TOX: variants seen among roughly 807,000 people sequenced by gnomAD.
TOX encodes thymocyte selection associated high mobility group box.
Under a neutral mutation model 53.7 loss-of-function variants are expected in TOX, and 11 were observed. That is an observed-to-expected ratio of 0.20 (90% CI 0.13 to 0.34). The LOEUF is 0.34. Ranked by LOEUF, TOX falls within the 10% of genes least tolerant of loss-of-function variation. TOX has a pLI of 1.00. For missense variants in TOX, 570 were observed against 664.6 expected (o/e 0.86, Z 1.56); for synonymous variants, 225 against 245.3 (o/e 0.92, Z 0.77).
intron 3 of TOX, among the ~76,000 whole-genome samples, chr8:58,888,162 C>T (rs1205698231): frequency 2.0e-5 from 3 of 152,012 alleles, no homozygotes; most frequent in Non-Finnish European, 4.4e-5. Flanking sequence ...ATCATATATG[C>T]GGTCCACTGT....
intron 1 of TOX, among the ~76,000 whole-genome samples, chr8:59,092,756 A>G (rs1199744493): frequency 6.6e-6 from 1 of 152,008 alleles, no homozygotes; most frequent in East Asian, 1.9e-4. Context: ...AGGCCAGGTT[A>G]CAGCCTCTTT....
At chr8:59,114,452 A>G (rs775306644) in intron 1 of TOX, among the ~76,000 whole-genome samples, 9 of 152,184 alleles carry the variant, frequency 5.9e-5, no homozygotes, top group Non-Finnish European at 1.2e-4. Flanking sequence ...CCAAAAAACC[A>G]TGATTGCTTG....
At chr8:59,097,095 G>C (rs1158974209) in intron 1 of TOX, among the ~76,000 whole-genome samples, 10 of 152,250 alleles carry the variant, frequency 6.6e-5, no homozygotes, top group Non-Finnish European at 1.5e-4. Context: ...CCCGATGTGG[G>C]GGAACACGTG....
intron 1 of TOX, among the ~76,000 whole-genome samples, chr8:59,043,567 G>A (rs78928926): frequency 2.7e-3 from 417 of 152,190 alleles, no homozygotes; most frequent in Non-Finnish European, 4.4e-3. Flanking sequence ...CTCTATAGAC[G>A]GTTATAGAAA....
At chr8:59,055,240 A>G (rs1338694698) in intron 1 of TOX, among the ~76,000 whole-genome samples, 1 of 152,182 alleles carries the variant, frequency 6.6e-6, no homozygotes, top group Non-Finnish European at 1.5e-5. Flanking sequence ...GGGGACAAGC[A>G]CTGTTGTAAA....
intron 3 of TOX, among the ~76,000 whole-genome samples, chr8:58,898,241 T>C (rs531052676): frequency 1.9e-4 from 24 of 129,480 alleles, no homozygotes; most frequent in Non-Finnish European, 3.3e-4. Context: ...AAACTCATTG[T>C]TAATCAAATC....
intron 3 of TOX, among the ~76,000 whole-genome samples, chr8:58,869,001 A>G (rs578124087): frequency 1.3e-5 from 2 of 152,164 alleles, no homozygotes; most frequent in African/African-American, 4.8e-5. Flanking sequence ...AGCCATTAAT[A>G]CTGATCTCAA....
chr8:59,102,898 C>A (rs928680568), intron 1 of TOX, among the ~76,000 whole-genome samples: 1 of 152,174 alleles, frequency 6.6e-6, no homozygotes, highest in Admixed American at 6.5e-5. Context: ...ACTTCACCCC[C>A]AAACTATCAT....
intron 1 of TOX, among the ~76,000 whole-genome samples, chr8:58,988,061 A>G (rs13276445): frequency 0.31 from 47,652 of 152,084 alleles, 8,504 homozygotes; most frequent in African/African-American, 0.48. Flanking sequence ...AACAGCAGGT[A>G]AATGCAAACT....
chr8:58,873,595 G>T (rs965117554), intron 3 of TOX, among the ~76,000 whole-genome samples: 2 of 152,056 alleles, frequency 1.3e-5, no homozygotes, highest in Non-Finnish European at 1.5e-5. Context: ...AATATTAATT[G>T]TAAGTAGAAA....
chr8:58,936,888 T>C (rs1347907504), intron 3 of TOX, among the ~76,000 whole-genome samples: 2 of 152,132 alleles, frequency 1.3e-5, no homozygotes, highest in African/African-American at 4.8e-5. Context: ...GCTACTTAAC[T>C]GTAAAGTAAT....
At chr8:59,004,124 T>G (rs1417233142) in intron 1 of TOX, among the ~76,000 whole-genome samples, 1 of 152,216 alleles carries the variant, frequency 6.6e-6, no homozygotes, top group Non-Finnish European at 1.5e-5. Flanking sequence ...CTCTTACAAA[T>G]GCACTATACA....
At chr8:58,840,519 T>C (rs1810625662) in intron 4 of TOX, among the ~76,000 whole-genome samples, 1 of 152,162 alleles carries the variant, frequency 6.6e-6, no homozygotes, top group African/African-American at 2.4e-5. Context: ...AGTCACCTGG[T>C]CAGCTTTTAA....
intron 4 of TOX, among the ~76,000 whole-genome samples, chr8:58,846,325 G>C (rs891316670): frequency 6.6e-6 from 1 of 152,156 alleles, no homozygotes; most frequent in Middle Eastern, 3.4e-3. Flanking sequence ...AAAGTGAACA[G>C]TTACAATATA....
chr8:58,965,894 GTT>G lies in TOX; in HGVS notation c.103-5888_103-5887del, dbSNP rs67045037. Among the ~76,000 whole-genome samples, 419 of 49,432 alleles carry G rather than the reference GTT, an allele frequency of 8.5e-3. 2 individuals are homozygous for G. The highest frequency in any genetic ancestry group is 0.025 in the African/African-American group (324 of 12,882). The allele number at this position is 49,432 out of a possible 152,430, so 32.4% of individuals were successfully genotyped here. On this transcript the variant is annotated intron_variant, in intron 1 of 8. Transcript: ENST00000361421. The stretch of plus-strand genomic sequence containing the variant: ...GCCCAGTATAAGATTACGAGTCATC[GTT>G]TTTTTTTTTTTTTTTTTTTTTTTTT...
At chr8:58,854,370 T>C (rs1165882846) in intron 3 of TOX, among the ~76,000 whole-genome samples, 2 of 152,182 alleles carry the variant, frequency 1.3e-5, no homozygotes, top group African/African-American at 4.8e-5. Context: ...GATTTATGAC[T>C]ACAACTAAAA....
chr8:59,110,529 A>C (rs1804996197), intron 1 of TOX, among the ~76,000 whole-genome samples: 1 of 152,296 alleles, frequency 6.6e-6, no homozygotes, highest in East Asian at 1.9e-4. Flanking sequence ...CTTGCACATT[A>C]TATTTCACAT....
chr8:59,070,634 GGA>G (rs774349697), intron 1 of TOX, among the ~76,000 whole-genome samples: 5 of 151,484 alleles, frequency 3.3e-5, no homozygotes, highest in African/African-American at 7.3e-5. Flanking sequence ...TTGGTTAGAA[GGA>G]GAGAGAGAGA....
At chr8:58,867,294 A>T (rs1811119141) in intron 3 of TOX, among the ~76,000 whole-genome samples, 1 of 151,978 alleles carries the variant, frequency 6.6e-6, no homozygotes, top group Non-Finnish European at 1.5e-5. Context: ...CTTTTTTAAT[A>T]AAAAAAAGGG....
Sources: allele counts gnomAD v4.1 joint callset (sites outside exome capture counted in the v4.1 genomes callset), GRCh38; gene constraint gnomAD v4.1.1; transcripts MANE v1.5; gene names NCBI Gene and HGNC (gene_info 2026-07-23, HGNC 2026-07-21).